The following SHISA9 variants were observed in gnomAD, a reference collection of about 807,000 sequenced individuals.
SHISA9 encodes protein shisa-9.
SHISA9 carries 13 observed loss-of-function variants against 38.0 expected under a neutral mutation model. The observed-to-expected ratio is 0.34, with a 90% confidence interval of 0.22 to 0.54. The LOEUF (loss-of-function observed/expected upper bound fraction) is 0.54. SHISA9 is among the 20% of genes least tolerant of loss of function. The probability of loss-of-function intolerance (pLI) is 0.91; values close to 1 mark genes in which losing one functional copy is unlikely to be tolerated. For synonymous variants in SHISA9, 275 were observed against 242.0 expected (o/e 1.14, Z -1.27); for missense variants, 538 against 575.8 (o/e 0.93, Z 0.67).
the SHISA9 span, among the ~76,000 whole-genome samples, chr16:13,423,820 C>A: frequency 1.3e-5 from 2 of 152,198 alleles, no homozygotes; most frequent in Admixed American, 6.5e-5. Flanking sequence ...GGTCCTGTTT[C>A]CTTTCTAGCT....
chr16:13,119,146 C>T (rs953162339), intron 2 of SHISA9, among the ~76,000 whole-genome samples: 8 of 152,124 alleles, frequency 5.3e-5, no homozygotes, highest in Non-Finnish European at 1.0e-4. Context: ...GGATTACAGG[C>T]GTGAGCCACC....
the SHISA9 span, among the ~76,000 whole-genome samples, chr16:13,505,960 G>C: frequency 6.6e-6 from 1 of 152,162 alleles, no homozygotes; most frequent in South Asian, 2.1e-4. Context: ...CTGGAGAACA[G>C]TCATCTGTAA....
intron 4 of SHISA9, 66 bp from the exon 5 acceptor site, chr16:13,234,964 C>T: frequency 7.0e-7 from 1 of 1,435,310 alleles, no homozygotes; most frequent in Admixed American, 2.4e-5. Flanking sequence ...CTAACTCTCT[C>T]TCTCTCTCTC....
the SHISA9 span, among the ~76,000 whole-genome samples, chr16:13,339,109 C>G: frequency 3.3e-5 from 5 of 151,254 alleles, no homozygotes; most frequent in African/African-American, 1.2e-4. Flanking sequence ...AACTCATTTC[C>G]ATGCCAGAGA....
chr16:12,940,738 G>A (rs1047654686), intron 2 of SHISA9, among the ~76,000 whole-genome samples: 1 of 152,128 alleles, frequency 6.6e-6, no homozygotes, highest in African/African-American at 2.4e-5. Context: ...TCCAACATAT[G>A]CATTCAAATC....
the SHISA9 span, among the ~76,000 whole-genome samples, chr16:13,525,121 A>G: frequency 1.2e-3 from 190 of 152,266 alleles, no homozygotes; most frequent in African/African-American, 4.3e-3. Context: ...AGTTTCCAAG[A>G]CGTTGATTTT....
the SHISA9 span, among the ~76,000 whole-genome samples, chr16:13,250,807 G>A: frequency 1.3e-5 from 2 of 152,172 alleles, no homozygotes; most frequent in Non-Finnish European, 2.9e-5. Context: ...GTCCATGGCA[G>A]CTGCTGCAGA....
the SHISA9 span, among the ~76,000 whole-genome samples, chr16:13,559,782 G>T: frequency 2.0e-5 from 3 of 152,278 alleles, no homozygotes; most frequent in African/African-American, 7.2e-5. Flanking sequence ...TCTGGCTCAG[G>T]GCTTAGAACA....
At chr16:13,257,049 G>A in the SHISA9 span, among the ~76,000 whole-genome samples, 1 of 152,188 alleles carries the variant, frequency 6.6e-6, no homozygotes, top group East Asian at 1.9e-4. Flanking sequence ...AATTATGTCA[G>A]GGTACAAACG....
intron 2 of SHISA9, among the ~76,000 whole-genome samples, chr16:12,920,285 C>T (rs752556462): frequency 2.4e-4 from 36 of 152,188 alleles, no homozygotes; most frequent in South Asian, 8.3e-4. Flanking sequence ...CAAACCTGCA[C>T]GTTGTGCACA....
intron 2 of SHISA9, among the ~76,000 whole-genome samples, chr16:13,111,093 A>T (rs1291544802): frequency 6.6e-6 from 1 of 152,202 alleles, no homozygotes; most frequent in East Asian, 1.9e-4. Context: ...TAAAAACCCT[A>T]AGAGAAAACC....
chr16:12,962,740 TGTGTTATG>T (rs1268357992), intron 2 of SHISA9, among the ~76,000 whole-genome samples: 1 of 152,186 alleles, frequency 6.6e-6, no homozygotes, highest in Non-Finnish European at 1.5e-5. Flanking sequence ...TCTATGGTAT[TGTGTTATG>T]GTGGCCCAAA....
chr16:13,047,952 A>G (rs952750215), intron 2 of SHISA9, among the ~76,000 whole-genome samples: 3 of 152,178 alleles, frequency 2.0e-5, no homozygotes, highest in Admixed American at 6.5e-5. Context: ...GTTTTATACC[A>G]TGTGGAAGTA....
the SHISA9 span, among the ~76,000 whole-genome samples, chr16:13,340,967 TG>T: frequency 2.0e-5 from 3 of 152,228 alleles, no homozygotes; most frequent in Non-Finnish European, 4.4e-5. Flanking sequence ...ATTTGTCTAC[TG>T]TGGGTTTTCA....
chr16:13,019,872 CTCCCTCCCTCCCTTCT>C (rs1567183993), intron 2 of SHISA9, among the ~76,000 whole-genome samples: 3 of 34,650 alleles, frequency 8.7e-5, no homozygotes. Context: ...CCCTCCCTCC[CTCCCTCCCTCCCTTCT>C]TTCTTTCTTT....
At chr16:13,334,598 C>T in the SHISA9 span, among the ~76,000 whole-genome samples, 2 of 151,858 alleles carry the variant, frequency 1.3e-5, no homozygotes, top group East Asian at 1.9e-4. Context: ...CATGGTGAAA[C>T]CCCGTCTCTA....
At chr16:13,157,755 G>A (rs1305984572) in intron 2 of SHISA9, among the ~76,000 whole-genome samples, 1 of 152,120 alleles carries the variant, frequency 6.6e-6, no homozygotes. Flanking sequence ...TCCCAAGGAG[G>A]GAGACAACCC....
At chr16:13,222,176 C>A (rs552941098) in intron 4 of SHISA9, among the ~76,000 whole-genome samples, 2 of 151,986 alleles carry the variant, frequency 1.3e-5, no homozygotes, top group Non-Finnish European at 2.9e-5. Context: ...GATTCAGTTA[C>A]CTCCCACCAG....
chr16:12,935,570 G>A (rs976144833), intron 2 of SHISA9, among the ~76,000 whole-genome samples: 5 of 152,076 alleles, frequency 3.3e-5, no homozygotes, highest in African/African-American at 4.8e-5. Context: ...GGGACAGGCC[G>A]GGCCCAGGGG....
Sources: gnomAD v4.1 joint callset for allele counts (sites outside exome capture counted in the v4.1 genomes callset) on GRCh38, gnomAD v4.1.1 for gene constraint, MANE v1.5 for transcripts, NCBI Gene and HGNC (gene_info 2026-07-23, HGNC 2026-07-21) for gene names.